The following CEP112 variants were observed in gnomAD, a reference collection of about 807,000 sequenced individuals.
The protein encoded by CEP112 is centrosomal protein 112.
A neutral mutation model predicts 153.0 loss-of-function variants in CEP112; 127 were observed. That is an observed-to-expected ratio of 0.83 (90% CI 0.72 to 0.96). The LOEUF (loss-of-function observed/expected upper bound fraction) is 0.96. CEP112 is among the 40% of genes least tolerant of loss of function. The pLI is 0.00. For synonymous variants in CEP112, 358 were observed against 374.4 expected (o/e 0.96, Z 0.51); for missense variants, 1,089 against 1,101.2 (o/e 0.99, Z 0.16).
At chr17:65,664,821 AC>A (rs1381458446) in intron 24 of CEP112, among the ~76,000 whole-genome samples, 1 of 152,158 alleles carries the variant, frequency 6.6e-6, no homozygotes, top group Admixed American at 6.5e-5. Flanking sequence ...ATAACAAAAC[AC>A]TGTGGATTGG....
At chr17:65,924,246 G>A (rs909351126) in intron 19 of CEP112, among the ~76,000 whole-genome samples, 1 of 152,098 alleles carries the variant, frequency 6.6e-6, no homozygotes, top group African/African-American at 2.4e-5. Context: ...AAAGTGCTGG[G>A]ATTACAGGCA....
chr17:65,869,719 ACAGG>A (rs2058591121), intron 20 of CEP112, among the ~76,000 whole-genome samples: 1 of 151,578 alleles, frequency 6.6e-6, no homozygotes, highest in African/African-American at 2.4e-5. Context: ...AGCTGGGACT[ACAGG>A]CAGGCGCCCG....
At chr17:65,816,225 GT>G (rs1357949041) in intron 21 of CEP112, among the ~76,000 whole-genome samples, 4 of 151,882 alleles carry the variant, frequency 2.6e-5, no homozygotes, top group Non-Finnish European at 4.4e-5. Flanking sequence ...CAATTCAGTA[GT>G]TTTGGTATAC....
chr17:65,767,864 T>C (rs1329246161), intron 21 of CEP112, among the ~76,000 whole-genome samples: 1 of 151,802 alleles, frequency 6.6e-6, no homozygotes, highest in Non-Finnish European at 1.5e-5. Flanking sequence ...AATGAAGAGA[T>C]TGAAGTAGTA....
intron 21 of CEP112, among the ~76,000 whole-genome samples, chr17:65,827,968 T>C (rs933532392): frequency 2.0e-5 from 3 of 152,210 alleles, no homozygotes; most frequent in Admixed American, 1.3e-4. Context: ...TCCCTGAATC[T>C]TCTCTATCAT....
At chr17:66,170,289 A>G (rs1440628735) in intron 4 of CEP112, among the ~76,000 whole-genome samples, 1 of 152,200 alleles carries the variant, frequency 6.6e-6, no homozygotes, top group Non-Finnish European at 1.5e-5. Flanking sequence ...TCAGACCTCC[A>G]TGGTAAGTAT....
At chr17:65,667,565 A>G (rs2046759039) in intron 24 of CEP112, among the ~76,000 whole-genome samples, 1 of 151,398 alleles carries the variant, frequency 6.6e-6, no homozygotes. Flanking sequence ...TCTTACACAC[A>G]CACACACACA....
chr17:65,752,667 T>A (rs1289977145), intron 21 of CEP112, among the ~76,000 whole-genome samples: 1 of 152,264 alleles, frequency 6.6e-6, no homozygotes, highest in East Asian at 1.9e-4. Context: ...CTTCACCCCA[T>A]ACCCAGTCTC....
chr17:65,763,123 T>C (rs1400724215), intron 21 of CEP112, among the ~76,000 whole-genome samples: 1 of 152,070 alleles, frequency 6.6e-6, no homozygotes, highest in African/African-American at 2.4e-5. Context: ...TTGAGATTGT[T>C]CACTTCTCTC....
rs551021775 is a variant in CEP112 at position 66,105,066 on chromosome 17, C to A, written c.643-8434G>T. Reference sequence around the variant, plus strand: ...TAGAAACACTAAAAGATGAACCACTCAAAAATAATAACTGTAACAATTTTT... The same window carrying A: ...TAGAAACACTAAAAGATGAACCACTAAAAAATAATAACTGTAACAATTTTT... On this transcript the variant is annotated intron_variant, in intron 6 of 26. Coordinates refer to ENST00000535342, the MANE Select transcript of CEP112 (RefSeq NM_001199165.4). Among the ~76,000 whole-genome samples the A allele has an allele frequency of 2.6e-3, 400 of 152,042 alleles. 2 individuals are homozygous for A. Among genetic ancestry groups the A allele is most frequent in the African/African-American group, 9.2e-3 (382 of 41,474 alleles).
chr17:66,028,990 G>T, intron 14 of CEP112, 133 bp downstream of exon 14: 2 of 699,888 alleles, frequency 2.9e-6, no homozygotes, highest in Non-Finnish European at 4.6e-6. Context: ...AATTCCTGAA[G>T]TTCCTGTTAA....
rs573790538 is a variant in CEP112, at chr17:65,859,852, C to CAA, written c.2164-7820_2164-7819dup. ...CGAAACCCTGTCTCTACTAAAAATA[C>CAA]AAAAAAAAAAAAAAAAAAATTAGCT... On this transcript the variant is annotated intron_variant, in intron 20 of 26. Coordinates refer to ENST00000535342, the MANE Select transcript of CEP112 (RefSeq NM_001199165.4). Among the ~76,000 whole-genome samples, 109 of 100,328 alleles carry CAA rather than the reference C, an allele frequency of 1.1e-3. 1 individual carries two copies. Among genetic ancestry groups the CAA allele is most frequent in the African/African-American group, 3.8e-3 (99 of 25,912 alleles). 65.8% of individuals were successfully genotyped at this position (100,328 alleles called of 152,430 possible). A position where few individuals can be genotyped will look rare whatever the true frequency, so the allele number is the denominator to read the frequency against.
At position 66,109,421 on chromosome 17, in the gene CEP112, A is replaced by C. The variant is rs564123920; in HGVS notation, c.643-12789T>G. Among the ~76,000 whole-genome samples, 16 of 152,230 alleles carry C rather than the reference A, an allele frequency of 1.1e-4. 1 individual carries two copies. Among genetic ancestry groups the C allele is most frequent in the Admixed American group, 6.5e-4 (10 of 15,290 alleles). Reference sequence around the variant, plus strand: ...ACCTACTATGCTCCCATACAAATTTAAATTTTTTTTACATTTAACATGTAC... The same window carrying C: ...ACCTACTATGCTCCCATACAAATTTCAATTTTTTTTACATTTAACATGTAC... On this transcript the variant is annotated intron_variant, in intron 6 of 26. Coordinates refer to ENST00000535342, the MANE Select transcript of CEP112 (RefSeq NM_001199165.4).
intron 17 of CEP112, among the ~76,000 whole-genome samples, chr17:65,999,500 CAGAAATT>C (rs2063930874): frequency 6.6e-6 from 1 of 151,966 alleles, no homozygotes; most frequent in South Asian, 2.1e-4. Flanking sequence ...CACGCCCGGC[CAGAAATT>C]ACTAAATTAT....
At chr17:66,041,666 G>GA (rs1488947970) in intron 12 of CEP112, among the ~76,000 whole-genome samples, 1 of 152,118 alleles carries the variant, frequency 6.6e-6, no homozygotes, top group Non-Finnish European at 1.5e-5. Flanking sequence ...CCATGTCCAA[G>GA]AAGCACAGAA....
intron 17 of CEP112, among the ~76,000 whole-genome samples, chr17:65,974,749 A>C (rs1010879707): frequency 6.6e-6 from 1 of 152,206 alleles, no homozygotes; most frequent in African/African-American, 2.4e-5. Context: ...AGGAAGAGAA[A>C]ACAATGAGAT....
At chr17:65,671,597 CAT>C (rs1477393010) in intron 24 of CEP112, among the ~76,000 whole-genome samples, 2 of 152,038 alleles carry the variant, frequency 1.3e-5, no homozygotes, top group South Asian at 2.1e-4. Context: ...CAACACACAA[CAT>C]ATATATGTGT....
intron 19 of CEP112, among the ~76,000 whole-genome samples, chr17:65,926,285 T>C (rs1356128934): frequency 2.0e-5 from 3 of 152,214 alleles, no homozygotes; most frequent in African/African-American, 4.8e-5. Flanking sequence ...CCAGAGCTCA[T>C]GGCTGGCTCC....
intron 21 of CEP112, among the ~76,000 whole-genome samples, chr17:65,760,856 C>T (rs1211711373): frequency 2.0e-5 from 3 of 151,964 alleles, no homozygotes; most frequent in African/African-American, 7.2e-5. Context: ...GCAGAATTTA[C>T]CATTGAATCC....
Sources: allele counts gnomAD v4.1 joint callset (sites outside exome capture counted in the v4.1 genomes callset), GRCh38; gene constraint gnomAD v4.1.1; transcripts MANE v1.5; gene names NCBI Gene and HGNC (gene_info 2026-07-23, HGNC 2026-07-21).